The following CCR7 variants were observed in gnomAD, a reference collection of about 807,000 sequenced individuals.
CCR7 encodes the protein C-C chemokine receptor type 7.
A neutral mutation model predicts 26.0 loss-of-function variants in CCR7; 11 were observed. The ratio of observed to expected loss-of-function variants is 0.42; its 90% CI spans 0.27 to 0.70. The LOEUF (loss-of-function observed/expected upper bound fraction) is 0.70. Among genes scored for constraint, CCR7 ranks in the 30% least tolerant of loss-of-function variants. The pLI, the probability that CCR7 is intolerant of heterozygous loss-of-function variation, is 0.23. For synonymous variants in CCR7, 189 were observed against 202.1 expected (o/e 0.94, Z 0.55); for missense variants, 360 against 504.0 (o/e 0.71, Z 2.74).
At chr17:40,561,636 T>G (rs1252216628) in intron 1 of CCR7, among the ~76,000 whole-genome samples, 2 of 152,176 alleles carry the variant, frequency 1.3e-5, no homozygotes, top group Non-Finnish European at 2.9e-5. Flanking sequence ...ATTGGCTGGC[T>G]GCCCCCATCT....
chr17:40,561,724 C>T (rs543224435), intron 1 of CCR7, among the ~76,000 whole-genome samples: 26 of 152,294 alleles, frequency 1.7e-4, no homozygotes, highest in South Asian at 4.1e-4. Context: ...CCAATCAGCT[C>T]GCCCCAAGAG....
At chr17:40,564,389 G>A (rs1384117203) in intron 1 of CCR7, among the ~76,000 whole-genome samples, 2 of 152,192 alleles carry the variant, frequency 1.3e-5, no homozygotes, top group Admixed American at 6.5e-5. Context: ...GGAGGCTGTG[G>A]TGTGGCGAGG....
chr17:40,564,873 C>T (rs547411997), intron 1 of CCR7, among the ~76,000 whole-genome samples: 4 of 152,166 alleles, frequency 2.6e-5, no homozygotes, highest in South Asian at 2.1e-4. Flanking sequence ...TGCAATGCAC[C>T]GCACCATTCT....
chr17:40,560,083 G>A (rs2036637567), intron 1 of CCR7, among the ~76,000 whole-genome samples: 1 of 152,204 alleles, frequency 6.6e-6, no homozygotes, highest in Non-Finnish European at 1.5e-5. Context: ...GGACCCCGGT[G>A]TAGCACAAGG....
At chr17:40,562,415 G>A (rs1413477044) in intron 1 of CCR7, among the ~76,000 whole-genome samples, 1 of 152,086 alleles carries the variant, frequency 6.6e-6, no homozygotes, top group Non-Finnish European at 1.5e-5. Flanking sequence ...CGGAGCATGA[G>A]GGGAATCTTT....
chr17:40,565,291 G>C lies in CCR7; in HGVS notation c.10+109C>G. The stretch of plus-strand genomic sequence containing the variant: ...ACCAAATCAGAACTGATTTCTCCAG[G>C]AAGCACCCCTATGCGCTCCACCCGC... On this transcript the variant is annotated intron_variant, in intron 1 of 2. Transcript: ENST00000246657. 5.3e-6 allele frequency: 5 copies of C among 947,990 alleles called. No homozygotes were observed. In the Admixed American group the frequency reaches 8.5e-5, roughly 16 times the overall value. 58.7% of individuals were successfully genotyped at this position (947,990 alleles called of 1,614,324 possible).
intron 2 of CCR7, among the ~76,000 whole-genome samples, chr17:40,557,351 C>T (rs980891492): frequency 6.6e-6 from 1 of 152,256 alleles, no homozygotes; most frequent in African/African-American, 2.4e-5. Context: ...GAACCAGATT[C>T]AGCAGCTCAG....
Position 40,555,385 on chromosome 17 carries a change from T to C in CCR7, c.494A>G (p.His165Arg). ...YVAIVQAVSA[H>R]RHRARVLLIS... ...GAGAAGGACGCGGGCACGGTGGCGG[T>C]GAGCTGAGACAGCCTGGACGATGGC... Residue 165 changes from histidine to arginine, a missense_variant, in exon 3 of 3, where the codon CAC becomes CGC. Physicochemically the swap from His to Arg is conservative, Grantham distance 29. Coordinates refer to ENST00000246657, the MANE Select transcript of CCR7 (RefSeq NM_001838.4). The surrounding 1 kb of genome is among the most constrained non-coding windows in gnomAD (Gnocchi z 5.6). 6.2e-7 allele frequency: 1 copy of C among 1,613,984 alleles called. No individual in the cohort carries two copies. The highest frequency in any genetic ancestry group is 8.5e-7 in the Non-Finnish European group (1 of 1,180,004).
chr17:40,556,158 A>C (rs1360880201), intron 2 of CCR7, among the ~76,000 whole-genome samples: 1 of 152,158 alleles, frequency 6.6e-6, no homozygotes, highest in Non-Finnish European at 1.5e-5. Context: ...CCGCATCATC[A>C]GTATCATAGC....
At chr17:40,558,559 A>AT (rs760641232) in intron 2 of CCR7, among the ~76,000 whole-genome samples, 13 of 152,070 alleles carry the variant, frequency 8.5e-5, no homozygotes, top group Non-Finnish European at 1.3e-4. Flanking sequence ...ACCCAGTAAC[A>AT]TTTTTTGCTT....
At chr17:40,557,012 G>A (rs2036594230) in intron 2 of CCR7, among the ~76,000 whole-genome samples, 3 of 152,118 alleles carry the variant, frequency 2.0e-5, no homozygotes. Context: ...GGGTGGGGGC[G>A]AGGACTCCTC....
Position 40,555,776 on chromosome 17 carries a change from C to A in CCR7, c.103G>T (p.Asp35Tyr). 6.2e-7 allele frequency: 1 copy of A among 1,614,160 alleles called. No individual in the cohort carries two copies. Among genetic ancestry groups the A allele is most frequent in the South Asian group, 1.1e-5 (1 of 91,058 alleles). The change falls in exon 3 of 3, where the codon GAC becomes TAC. Residue 35 changes from aspartate to tyrosine, a missense_variant. By Grantham distance (160) the Asp-to-Tyr change is radical. Coordinates refer to ENST00000246657, the MANE Select transcript of CCR7 (RefSeq NM_001838.4). The surrounding 1 kb of genome is among the most constrained non-coding windows in gnomAD (Gnocchi z 5.6). ...AAAGTGTAGTCCACTGTGGTGTTGT[C>A]TCCGATGTAATCGTCCGTGACCTCA... is the stretch of plus-strand genomic sequence containing the variant. ...QDEVTDDYIG[D>Y]NTTVDYTLFE...
At position 40,555,170 on chromosome 17, in the gene CCR7, G is replaced by A. The variant is rs1424948884; in HGVS notation, c.709C>T (p.Leu237=). ...ACAAGGTAACAGAAGCTCATGGCCAGCAGGGGGACCAGAAAGCCGATCACC... is the reference window on the plus strand; with the variant it reads ...ACAAGGTAACAGAAGCTCATGGCCAACAGGGGGACCAGAAAGCCGATCACC... ...QMVIGFLVPL[L]AMSFCYLVII... Residue 237 remains leucine, a synonymous_variant, in exon 3 of 3, where the codon CTG becomes TTG. Coordinates refer to ENST00000246657, the MANE Select transcript of CCR7 (RefSeq NM_001838.4). The surrounding 1 kb of genome is among the most constrained non-coding windows in gnomAD (Gnocchi z 5.6). 1 of 1,614,218 alleles carries A rather than the reference G, an allele frequency of 6.2e-7. No homozygotes were observed. The highest frequency in any genetic ancestry group is 1.1e-5 in the South Asian group (1 of 91,086).
intron 1 of CCR7, among the ~76,000 whole-genome samples, chr17:40,559,668 A>G (rs2036632780): frequency 6.6e-6 from 1 of 152,206 alleles, no homozygotes; most frequent in African/African-American, 2.4e-5. Flanking sequence ...TGCCTTTGGG[A>G]CAGAGATCCC....
At chr17:40,557,179 C>T (rs1276058222) in intron 2 of CCR7, among the ~76,000 whole-genome samples, 1 of 152,234 alleles carries the variant, frequency 6.6e-6, no homozygotes, top group Non-Finnish European at 1.5e-5. Context: ...TTTTAGCCGT[C>T]TGCAGGGTCG....
In CCR7 at chr17:40,555,723, G is replaced by C. The variant is rs1339121299; in HGVS notation, c.156C>G (p.Asp52Glu). The C allele has an allele frequency of 1.9e-6, 3 of 1,614,020 alleles. No individual in the cohort carries two copies. The South Asian group carries it at 3.3e-5, about 18-fold the overall frequency. ...GGAACCAGGCTTTAAAGTTCCGCAC[G>C]TCCTTCTTGGAGCACAAAGACTCGA... ...TLFESLCSKK[D>E]VRNFKAWFLP... Residue 52 changes from aspartate to glutamate, a missense_variant, in exon 3 of 3, where the codon GAC (aspartate) becomes GAG (glutamate). Transcript: ENST00000246657. This position sits in a 1 kb window ranked among gnomAD's most constrained non-coding sequence, Gnocchi z 5.6.
chr17:40,554,683 C>T lies in CCR7; in HGVS notation c.*59G>A. On this transcript the variant is annotated 3_prime_UTR_variant, in exon 3 of 3. Transcript: ENST00000246657. ...GATGTCCTGAGTCATTGCATCTGCT[C>T]CCTATCCCCACCCCAGGGACCCTGG... 3 of 1,364,798 alleles carry T rather than the reference C, an allele frequency of 2.2e-6. No individual in the cohort carries two copies. In the South Asian group the frequency reaches 4.1e-5, roughly 19 times the overall value. 84.5% of individuals were successfully genotyped at this position (1,364,798 alleles called of 1,614,324 possible).
chr17:40,565,453 G>A lies in CCR7; in HGVS notation c.-44C>T, dbSNP rs757093435. ...AAACCACACAGGAAGGCTGTGCCCG[G>A]CCTCGCACTACCCCTGTCTGGGGAG... On this transcript the variant is annotated 5_prime_UTR_variant, in exon 1 of 3. Coordinates refer to ENST00000246657, the MANE Select transcript of CCR7 (RefSeq NM_001838.4). 1 of 1,605,812 alleles carries A rather than the reference G, an allele frequency of 6.2e-7. No individual in the cohort carries two copies. The highest frequency in any genetic ancestry group is 1.7e-5 in the Admixed American group (1 of 60,018).
chr17:40,556,206 C>T lies in CCR7; in HGVS notation c.61-388G>A, dbSNP rs554652943. ...CTTGTTAGGAATGCAAATTCTCAGG[C>T]CCCACCTGAGAATTCTGAACCAGAA... On this transcript the variant is annotated intron_variant, in intron 2 of 2. Transcript: ENST00000246657. Among the ~76,000 whole-genome samples the T allele has an allele frequency of 6.6e-5, 10 of 152,262 alleles. No homozygotes were observed. The East Asian group carries it at 7.7e-4, about 12-fold the overall frequency.
Sources: allele counts gnomAD v4.1 joint callset (sites outside exome capture counted in the v4.1 genomes callset), GRCh38; gene constraint gnomAD v4.1.1; non-coding constraint Gnocchi (gnomAD v3.1); transcripts MANE v1.5; gene names NCBI Gene and HGNC (gene_info 2026-07-23, HGNC 2026-07-21).